RHOBTB3: variants seen among roughly 807,000 people sequenced by gnomAD.
RHOBTB3 encodes rho-related BTB domain-containing protein 3.
A neutral mutation model predicts 67.2 loss-of-function variants in RHOBTB3; 47 were observed. The observed-to-expected ratio is 0.70, with a 90% confidence interval of 0.55 to 0.89. The LOEUF is 0.89. RHOBTB3 is among the 40% of genes least tolerant of loss of function. RHOBTB3 has a pLI of 0.00. For synonymous variants in RHOBTB3, 273 were observed against 274.2 expected (o/e 1.00, Z 0.04); for missense variants, 631 against 750.0 (o/e 0.84, Z 1.85).
Position 95,731,938 on chromosome 5 carries a change from T to TA in RHOBTB3, c.83dup (p.Tyr28Ter), listed in dbSNP as rs748228613. 1.9e-6 allele frequency: 3 copies of TA among 1,614,104 alleles called. No homozygotes were observed. The highest frequency in any genetic ancestry group is 2.5e-6 in the Non-Finnish European group (3 of 1,180,016). The change falls in exon 2 of 12, where the codon TAC becomes TAAC. Residue 28 changes from tyrosine to a stop codon, truncating the protein, a stop_gained and frameshift_variant. Transcript: ENST00000379982. LOFTEE classifies it high-confidence loss of function. ...CCGGCCGTCGGGGCTTATCCGCACT[T>TA]ACCTGGGGAGAAGCCCTCTGGTCTC... is the stretch of plus-strand genomic sequence containing the variant. ...DNRPSGLIRTYLGRSPLVSGD... is the reference protein window; with the variant it reads ...DNRPSGLIRT
At chr5:95,718,084 G>T (rs1264535103) in intron 1 of RHOBTB3, among the ~76,000 whole-genome samples, 2 of 152,144 alleles carry the variant, frequency 1.3e-5, no homozygotes, top group African/African-American at 4.8e-5. Flanking sequence ...ACACTAGAAA[G>T]TATGTTATGG....
chr5:95,731,682 C>T lies in RHOBTB3; in HGVS notation c.-1C>T, dbSNP rs1380664013. The T allele has an allele frequency of 1.2e-6, 2 of 1,613,340 alleles. No homozygotes were observed. The highest frequency in any genetic ancestry group is 1.3e-5 in the African/African-American group (1 of 74,926). On this transcript the variant is annotated splice_region_variant and 5_prime_UTR_variant, in exon 1 of 12. Transcript: ENST00000379982. ...GCCGCCCTGCCCTTGGATTTGAGAT[C>T]ATGTACGTACGCGCCGCCGTCCTGC...
intron 9 of RHOBTB3, 164 bp from the exon 10 acceptor site, chr5:95,783,633 C>A: frequency 4.8e-6 from 2 of 413,104 alleles, no homozygotes; most frequent in Non-Finnish European, 4.3e-6. Context: ...AATAAAAGTG[C>A]AGAATGCTGA....
At chr5:95,766,505 A>G (rs893172846) in intron 7 of RHOBTB3, among the ~76,000 whole-genome samples, 18 of 152,120 alleles carry the variant, frequency 1.2e-4, no homozygotes, top group Non-Finnish European at 2.9e-5. Context: ...CCTAGTATTT[A>G]AAATGACTTA....
intron 11 of RHOBTB3, among the ~76,000 whole-genome samples, chr5:95,792,303 C>T (rs763225682): frequency 3.3e-4 from 50 of 150,548 alleles, no homozygotes; most frequent in African/African-American, 9.0e-4. Flanking sequence ...AGGAGAATGG[C>T]GTGAACCCGG....
At chr5:95,756,989 C>T (rs1036684047) in intron 6 of RHOBTB3, among the ~76,000 whole-genome samples, 28 of 152,140 alleles carry the variant, frequency 1.8e-4, no homozygotes, top group Admixed American at 1.6e-3. Context: ...TTCGGTTTGA[C>T]TCTTAGGTTT....
Position 95,783,803 on chromosome 5 carries a change from T to C in RHOBTB3, c.1463T>C (p.Ile488Thr). 1 of 1,608,550 alleles carries C rather than the reference T, an allele frequency of 6.2e-7. No individual in the cohort carries two copies. The highest frequency in any genetic ancestry group is 1.1e-5 in the South Asian group (1 of 90,404). The change falls in exon 10 of 12, where the codon ATA becomes ACA. Residue 488 changes from isoleucine (I) to threonine (T), a missense_variant. Coordinates refer to ENST00000379982, the MANE Select transcript of RHOBTB3 (RefSeq NM_014899.4). ...ATGTCCCTTTTCTCATCAGCTGGCATATTCCAGGCCATGTGTCTCCTGATC... is the reference window on the plus strand; with the variant it reads ...ATGTCCCTTTTCTCATCAGCTGGCACATTCCAGGCCATGTGTCTCCTGATC... ...LYTDSCCPAG[I>T]FQAMCLLICA...
intron 9 of RHOBTB3, among the ~76,000 whole-genome samples, chr5:95,783,288 A>AT (rs925517033): frequency 8.4e-5 from 11 of 130,286 alleles, no homozygotes; most frequent in African/African-American, 1.5e-4. Context: ...CACCTGGCTA[A>AT]TTTTTTTTTA....
chr5:95,739,732 A>G (rs1030000200), intron 3 of RHOBTB3, among the ~76,000 whole-genome samples: 7 of 151,912 alleles, frequency 4.6e-5, no homozygotes, highest in African/African-American at 1.7e-4. Context: ...TTTTATAGAA[A>G]CGAAATTCTG....
intron 3 of RHOBTB3, among the ~76,000 whole-genome samples, chr5:95,740,775 T>C (rs1458455729): frequency 1.3e-5 from 2 of 152,352 alleles, no homozygotes; most frequent in African/African-American, 2.4e-5. Context: ...GAGAACTTTC[T>C]TCTTTGCCTC....
chr5:95,755,853 C>A, intron 6 of RHOBTB3, 92 bp downstream of exon 6: 1 of 1,280,540 alleles, frequency 7.8e-7, no homozygotes. Context: ...GTTAGTTTTA[C>A]AGTGGTCTTT....
In RHOBTB3 at chr5:95,731,972, A is replaced by G. The variant is rs1202447258; in HGVS notation, c.116A>G (p.Glu39Gly). The G allele has an allele frequency of 6.2e-7, 1 of 1,614,052 alleles. No homozygotes were observed. The highest frequency in any genetic ancestry group is 8.5e-7 in the Non-Finnish European group (1 of 1,180,038). The change falls in exon 2 of 12, where the codon GAG becomes GGG. Residue 39 changes from glutamate (E) to glycine (G), a missense_variant. Physicochemically the swap from Glu to Gly is moderately conservative, Grantham distance 98. Transcript: ENST00000379982. ...AGAAGCCCTCTGGTCTCCGGGGACG[A>G]GAGCAGCTTGTTGCTGAACGCGGCC... ...LGRSPLVSGD[E>G]SSLLLNAAST...
At chr5:95,751,075 T>C (rs1745076358) in intron 4 of RHOBTB3, among the ~76,000 whole-genome samples, 1 of 152,214 alleles carries the variant, frequency 6.6e-6, no homozygotes, top group South Asian at 2.1e-4. Flanking sequence ...CCATTTGGAC[T>C]TTTGCCCCAG....
At chr5:95,772,345 C>G (rs774679197) in intron 8 of RHOBTB3, among the ~76,000 whole-genome samples, 1 of 152,162 alleles carries the variant, frequency 6.6e-6, no homozygotes, top group African/African-American at 2.4e-5. Flanking sequence ...TCTGATCTTC[C>G]TGGATGTTCT....
intron 4 of RHOBTB3, among the ~76,000 whole-genome samples, chr5:95,751,866 T>G (rs1363257223): frequency 2.6e-5 from 4 of 152,236 alleles, no homozygotes; most frequent in Non-Finnish European, 5.9e-5. Context: ...AGGACATAGT[T>G]TCATTCTTTT....
intron 3 of RHOBTB3, among the ~76,000 whole-genome samples, chr5:95,743,869 T>C (rs1188068400): frequency 6.6e-6 from 1 of 151,844 alleles, no homozygotes; most frequent in Non-Finnish European, 1.5e-5. Context: ...CCACCATGCC[T>C]GGGTAATTTT....
intron 2 of RHOBTB3, chr5:95,732,452 G>A (rs1359024300): frequency 2.1e-5 from 9 of 437,578 alleles, no homozygotes; most frequent in Middle Eastern, 5.8e-4. Context: ...GGGTGATAGT[G>A]TAATATTGGT....
intron 8 of RHOBTB3, among the ~76,000 whole-genome samples, chr5:95,779,396 C>T (rs1178924026): frequency 6.6e-6 from 1 of 152,184 alleles, no homozygotes; most frequent in East Asian, 1.9e-4. Context: ...GTGATCCAGG[C>T]TGAACTGAAG....
chr5:95,725,009 T>TA (rs200594125), intron 1 of RHOBTB3, among the ~76,000 whole-genome samples: 70 of 145,020 alleles, frequency 4.8e-4, no homozygotes, highest in Non-Finnish European at 5.5e-4. Flanking sequence ...CCCCATGTCT[T>TA]AAAAAAAAAA....
Sources: gnomAD v4.1 joint callset for allele counts (sites outside exome capture counted in the v4.1 genomes callset) on GRCh38, gnomAD v4.1.1 for gene constraint, MANE v1.5 for transcripts, NCBI Gene and HGNC (gene_info 2026-07-23, HGNC 2026-07-21) for gene names.